Variants in UNC79 observed in about 807,000 individuals in gnomAD.
UNC79 encodes the protein protein unc-79 homolog.
In UNC79, 37 loss-of-function variants were observed where a neutral mutation model predicts 283.1. The observed-to-expected ratio is 0.13, with a 90% CI of 0.10 to 0.17. UNC79 has a LOEUF of 0.17. Ranked by LOEUF, UNC79 falls within the 10% of genes least tolerant of loss-of-function variation. UNC79 has a pLI of 1.00. For synonymous variants in UNC79, 1,107 were observed against 1,200.2 expected (o/e 0.92, Z 1.61); for missense variants, 2,272 against 3,211.1 (o/e 0.71, Z 7.07).
intron 47 of UNC79, among the ~76,000 whole-genome samples, chr14:93,694,658 A>G (rs1428256101): frequency 6.6e-6 from 1 of 152,098 alleles, no homozygotes; most frequent in Non-Finnish European, 1.5e-5. Flanking sequence ...GCTCATGCCC[A>G]TAGTCCCAGC....
intron 32 of UNC79, among the ~76,000 whole-genome samples, chr14:93,640,579 G>A (rs2068932276): frequency 6.6e-6 from 1 of 152,198 alleles, no homozygotes; most frequent in Admixed American, 6.5e-5. Context: ...AGTGAGCTGT[G>A]CTCACGCCAC....
intron 1 of UNC79, among the ~76,000 whole-genome samples, chr14:93,355,281 T>C (rs2054063670): frequency 6.6e-6 from 1 of 151,922 alleles, no homozygotes; most frequent in Non-Finnish European, 1.5e-5. Flanking sequence ...CACTGCAACC[T>C]CCGCCTTCTG....
At chr14:93,624,454 G>T (rs930232266) in intron 30 of UNC79, among the ~76,000 whole-genome samples, 1 of 152,072 alleles carries the variant, frequency 6.6e-6, no homozygotes, top group Non-Finnish European at 1.5e-5. Context: ...AATGATAGAG[G>T]TCTATAGGGC....
rs146476915 is a variant in UNC79, at chr14:93,694,025, A to T, written c.7471-310A>T. Among the ~76,000 whole-genome samples the T allele has an allele frequency of 6.6e-3, 1,011 of 152,326 alleles. 8 individuals are homozygous for T. Among genetic ancestry groups the T allele is most frequent in the African/African-American group, 0.023 (965 of 41,572 alleles). On this transcript the variant is annotated intron_variant, in intron 46 of 48. Coordinates refer to ENST00000555664, the Ensembl canonical transcript of UNC79. ...AGTTCCGTAGTTAGAAATGAAGGCA[A>T]CAGAGGCCATTTATCCCCTGGTGTG... is the stretch of plus-strand genomic sequence containing the variant.
At chr14:93,601,104 A>T (rs1379253555) in intron 25 of UNC79, among the ~76,000 whole-genome samples, 1 of 152,194 alleles carries the variant, frequency 6.6e-6, no homozygotes, top group Non-Finnish European at 1.5e-5. Context: ...ACTCTTGCAT[A>T]CTTTCTAAAT....
exon 12 of UNC79, chr14:93,538,144 G>A (rs1240002880): frequency 6.2e-7 from 1 of 1,614,066 alleles, no homozygotes; most frequent in Admixed American, 1.7e-5. Flanking sequence ...ACCTCTATCA[G>A]ACCTCTCCTC....
At chr14:93,514,712 A>T (rs2059975497) in intron 7 of UNC79, among the ~76,000 whole-genome samples, 1 of 152,288 alleles carries the variant, frequency 6.6e-6, no homozygotes, top group South Asian at 2.1e-4. Context: ...CTACCCACCA[A>T]AAACGCTGAT....
intron 26 of UNC79, 62 bp downstream of exon 27, chr14:93,605,023 G>C: frequency 6.6e-7 from 1 of 1,506,382 alleles, no homozygotes; most frequent in South Asian, 1.3e-5. Context: ...ACAAGGTAGA[G>C]AATGCGGTGT....
Position 93,662,592 on chromosome 14 carries a change from A to C in UNC79, c.6526-12A>C, listed in dbSNP as rs567653623. Reference sequence around the variant, plus strand: ...CAGCAATTGACTTTATTTGGCCCCAATCTCATTGCAGAGTTTGTTGGAACC... The same window carrying C: ...CAGCAATTGACTTTATTTGGCCCCACTCTCATTGCAGAGTTTGTTGGAACC... On this transcript the variant is annotated splice_polypyrimidine_tract_variant and intron_variant, in intron 39 of 48. Transcript: ENST00000555664. The C allele has an allele frequency of 1.0e-5, 16 of 1,584,876 alleles. No homozygotes were observed. The South Asian group carries it at 1.6e-4, about 16-fold the overall frequency.
intron 1 of UNC79, among the ~76,000 whole-genome samples, chr14:93,340,116 T>C (rs980979319): frequency 6.6e-6 from 1 of 152,210 alleles, no homozygotes; most frequent in Non-Finnish European, 1.5e-5. Flanking sequence ...GGTTACAACT[T>C]GGCAGTTGCC....
intron 31 of UNC79, among the ~76,000 whole-genome samples, chr14:93,634,018 C>G (rs2068275506): frequency 6.6e-6 from 1 of 152,032 alleles, no homozygotes; most frequent in African/African-American, 2.4e-5. Flanking sequence ...GCTTCAATTT[C>G]TCTCTCTAAA....
intron 35 of UNC79, among the ~76,000 whole-genome samples, chr14:93,651,912 ATTTTTTTTTT>A (rs71129653): frequency 6.4e-5 from 3 of 46,602 alleles, no homozygotes; most frequent in African/African-American, 7.7e-5. Flanking sequence ...CTAATTTTGT[ATTTTTTTTTT>A]TTTTTTTTTT....
downstream of UNC79, chr14:93,707,694 G>A (rs547440031): frequency 6.6e-5 from 10 of 152,326 alleles, no homozygotes; most frequent in South Asian, 2.1e-3. Context: ...CTGGAGTGAT[G>A]TTTCATAAAA....
At chr14:93,678,361 G>A (rs1176167722) in intron 41 of UNC79, among the ~76,000 whole-genome samples, 1 of 152,204 alleles carries the variant, frequency 6.6e-6, no homozygotes, top group African/African-American at 2.4e-5. Flanking sequence ...AACAGAGTCT[G>A]TTGCTCCAAT....
chr14:93,489,134 T>C (rs1040655012), intron 5 of UNC79, among the ~76,000 whole-genome samples: 25 of 152,214 alleles, frequency 1.6e-4, no homozygotes, highest in African/African-American at 5.8e-4. Context: ...AGAGACAGTC[T>C]CATTATGTTT....
chr14:93,409,579 A>C (rs1300092001), intron 1 of UNC79, among the ~76,000 whole-genome samples: 1 of 152,118 alleles, frequency 6.6e-6, no homozygotes, highest in Non-Finnish European at 1.5e-5. Flanking sequence ...CTGTAGTCCC[A>C]GTTACTTTTG....
At chr14:93,513,165 T>C (rs370397680) in intron 7 of UNC79, among the ~76,000 whole-genome samples, 5 of 151,574 alleles carry the variant, frequency 3.3e-5, no homozygotes, top group African/African-American at 1.2e-4. Flanking sequence ...TTTTGTTTTT[T>C]TGTTTTTCCC....
chr14:93,630,916 T>G lies in UNC79; in HGVS notation c.5716+8T>G. 1 of 1,609,062 alleles carries G rather than the reference T, an allele frequency of 6.2e-7. No homozygotes were observed. Among genetic ancestry groups the G allele is most frequent in the Non-Finnish European group, 8.5e-7 (1 of 1,175,418 alleles). ...GCCATTCCTCAATATCAAGTAAGAT[T>G]TCCTCTGCTGATTATTTCATCTATG... On this transcript the variant is annotated splice_region_variant and intron_variant, in intron 31 of 48. Transcript: ENST00000555664.
At chr14:93,521,774 T>C (rs2060331245) in intron 7 of UNC79, among the ~76,000 whole-genome samples, 1 of 148,938 alleles carries the variant, frequency 6.7e-6, no homozygotes, top group Admixed American at 6.8e-5. Flanking sequence ...TTTTTTGTTA[T>C]TATTTTTGAA....
Sources: gnomAD v4.1 joint callset for allele counts (sites outside exome capture counted in the v4.1 genomes callset) on GRCh38, gnomAD v4.1.1 for gene constraint, MANE v1.5 for transcripts, NCBI Gene and HGNC (gene_info 2026-07-23, HGNC 2026-07-21) for gene names.